HDAC9: variants seen among roughly 807,000 people sequenced by gnomAD.
HDAC9 encodes the protein MEF-2 interacting transcription repressor (MITR) protein.
In HDAC9, 41 loss-of-function variants were observed where a neutral mutation model predicts 139.4. The observed-to-expected ratio is 0.29, with a 90% CI of 0.23 to 0.38. The LOEUF is 0.38. HDAC9 is among the 10% of genes least tolerant of loss of function. The pLI is 1.00. For missense variants in HDAC9, 1,147 were observed against 1,297.0 expected, an observed-to-expected ratio of 0.88 and a Z score of 1.78; for synonymous variants, 517 against 476.2, an observed-to-expected ratio of 1.09 and a Z score of -1.12.
chr7:18,095,441 A>G (rs1243713198), intron 1 of HDAC9, among the ~76,000 whole-genome samples: 4 of 152,330 alleles, frequency 2.6e-5, no homozygotes, highest in Non-Finnish European at 5.9e-5. Flanking sequence ...TATTTAATAT[A>G]CAGGAGGATT....
chr7:18,088,184 A>C (rs1781915969), intron 1 of HDAC9: 2 of 152,224 alleles, frequency 1.3e-5, no homozygotes, highest in African/African-American at 4.8e-5. Flanking sequence ...ACATATATTC[A>C]TTATTTCATG....
Position 18,405,542 on chromosome 7 carries a change from A to T in HDAC9, c.-41-90720A>T, listed in dbSNP as rs534008362. Among the ~76,000 whole-genome samples, 13 of 152,300 alleles carry T rather than the reference A, an allele frequency of 8.5e-5. No homozygotes were observed. The South Asian group carries it at 2.7e-3, about 32-fold the overall frequency. Reference sequence around the variant, plus strand: ...GTTCCTTTCCTCCTGGTATTGAGCAACTTTTGTTCATCAAATCTGAAAAAC... The same window carrying T: ...GTTCCTTTCCTCCTGGTATTGAGCATCTTTTGTTCATCAAATCTGAAAAAC... On this transcript the variant is annotated intron_variant, in intron 1 of 3. Transcript: ENST00000413509.
intron 2 of HDAC9, among the ~76,000 whole-genome samples, chr7:18,498,710 C>G (rs1306880605): frequency 6.6e-6 from 1 of 152,072 alleles, no homozygotes; most frequent in African/African-American, 2.4e-5. Flanking sequence ...ATGAGCTCCA[C>G]TGCTAGCCGA....
intron 1 of HDAC9, among the ~76,000 whole-genome samples, chr7:18,484,332 TAA>T (rs879803900): frequency 1.4e-5 from 2 of 141,284 alleles, no homozygotes; most frequent in Admixed American, 7.1e-5. Flanking sequence ...AAGATCCTAT[TAA>T]AAAAAAAAAA....
intron 6 of HDAC9, among the ~76,000 whole-genome samples, chr7:18,618,999 A>T (rs1839479265): frequency 6.6e-6 from 1 of 152,086 alleles, no homozygotes; most frequent in African/African-American, 2.4e-5. Context: ...AAACATGTTT[A>T]TAATCTAGTT....
At chr7:18,785,999 TA>T (rs1484091741) in intron 16 of HDAC9, among the ~76,000 whole-genome samples, 1 of 152,108 alleles carries the variant, frequency 6.6e-6, no homozygotes, top group Non-Finnish European at 1.5e-5. Context: ...TATTTCTAAA[TA>T]AAAAGAAAAT....
Position 18,996,149 on chromosome 7 carries a change from T to G in HDAC9, c.*87T>G. The G allele has an allele frequency of 2.1e-6, 2 of 949,228 alleles. No homozygotes were observed. Among genetic ancestry groups the G allele is most frequent in the Non-Finnish European group, 3.3e-6 (2 of 609,538 alleles). 58.8% of individuals were successfully genotyped at this position (949,228 alleles called of 1,614,324 possible). Reference sequence around the variant, plus strand: ...GTACCCTCAGACATGTCTTGTCTGCTGCCTGGGTGGCACAGATTCAATGGA... The same window carrying G: ...GTACCCTCAGACATGTCTTGTCTGCGGCCTGGGTGGCACAGATTCAATGGA... On this transcript the variant is annotated 3_prime_UTR_variant, in exon 26 of 26. Coordinates refer to ENST00000686413, the MANE Select transcript of HDAC9 (RefSeq NM_178425.4).
intron 17 of HDAC9, among the ~76,000 whole-genome samples, chr7:18,825,137 T>C (rs559571124): frequency 1.4e-4 from 21 of 152,206 alleles, no homozygotes; most frequent in Non-Finnish European, 3.1e-4. Context: ...GTACATGGGC[T>C]AATATATATT....
intron 2 of HDAC9, among the ~76,000 whole-genome samples, chr7:18,533,939 T>A (rs1809931911): frequency 6.6e-6 from 1 of 152,214 alleles, no homozygotes; most frequent in East Asian, 1.9e-4. Flanking sequence ...AATTTTTTTT[T>A]AAGTTTTTCA....
intron 11 of HDAC9, among the ~76,000 whole-genome samples, chr7:18,651,850 C>T (rs1488845707): frequency 2.6e-5 from 4 of 152,012 alleles, no homozygotes; most frequent in Admixed American, 2.6e-4. Context: ...AGAAATATCC[C>T]TGGAATGGGC....
chr7:18,476,785 C>G (rs1321279129), intron 1 of HDAC9, among the ~76,000 whole-genome samples: 1 of 152,096 alleles, frequency 6.6e-6, no homozygotes, highest in Non-Finnish European at 1.5e-5. Context: ...ACACAGGTCC[C>G]AAATAGATTT....
chr7:18,365,751 A>G (rs972571872), intron 1 of HDAC9, among the ~76,000 whole-genome samples: 3 of 151,998 alleles, frequency 2.0e-5, no homozygotes, highest in Non-Finnish European at 4.4e-5. Flanking sequence ...CACATCTACT[A>G]CTTTTTAGCT....
intron 2 of HDAC9, among the ~76,000 whole-genome samples, chr7:18,172,399 A>G (rs1273154912): frequency 6.6e-6 from 1 of 152,086 alleles, no homozygotes; most frequent in East Asian, 1.9e-4. Context: ...TCAAAAAACC[A>G]GCTCCTGGAT....
intron 2 of HDAC9, among the ~76,000 whole-genome samples, chr7:18,241,051 G>A (rs552213286): frequency 2.0e-5 from 3 of 152,252 alleles, no homozygotes; most frequent in African/African-American, 7.2e-5. Flanking sequence ...GATACCCTTA[G>A]GGGATTAGGG....
At chr7:18,169,676 G>T (rs1404788067) in intron 2 of HDAC9, among the ~76,000 whole-genome samples, 1 of 151,826 alleles carries the variant, frequency 6.6e-6, no homozygotes, top group African/African-American at 2.4e-5. Context: ...TGTTCTTATT[G>T]TTCAGTTCCC....
rs184065170 is a variant in HDAC9, at chr7:18,237,154, T to C, written c.25+74805T>C. On this transcript the variant is annotated intron_variant, in intron 2 of 12. Transcript: ENST00000417496. ...CAACCCCAGCTTACACTGTTGTTGGTTGGGGAGCCAGGGCAACTGGCTACG... is the reference window on the plus strand; with the variant it reads ...CAACCCCAGCTTACACTGTTGTTGGCTGGGGAGCCAGGGCAACTGGCTACG... Among the ~76,000 whole-genome samples the C allele has an allele frequency of 5.6e-4, 86 of 152,286 alleles. No individual in the cohort carries two copies. In the East Asian group the frequency reaches 0.016, roughly 28 times the overall value.
At chr7:18,600,250 A>G (rs1833590921) in intron 6 of HDAC9, among the ~76,000 whole-genome samples, 1 of 152,022 alleles carries the variant, frequency 6.6e-6, no homozygotes, top group South Asian at 2.1e-4. Context: ...TCAGTGGTTT[A>G]TCTTTTAATT....
intron 25 of HDAC9, among the ~76,000 whole-genome samples, chr7:18,992,143 T>C (rs1786030753): frequency 6.6e-6 from 1 of 152,246 alleles, no homozygotes; most frequent in South Asian, 2.1e-4. Context: ...AATTTTGCTC[T>C]TGGGAATGTA....
intron 22 of HDAC9, among the ~76,000 whole-genome samples, chr7:18,912,421 G>A (rs1281193501): frequency 6.6e-6 from 1 of 152,000 alleles, no homozygotes; most frequent in Non-Finnish European, 1.5e-5. Context: ...TATTAAATTT[G>A]TTTTCTTTAT....
Sources: gnomAD v4.1 joint callset for allele counts (sites outside exome capture counted in the v4.1 genomes callset) on GRCh38, gnomAD v4.1.1 for gene constraint, MANE v1.5 for transcripts, NCBI Gene and HGNC (gene_info 2026-07-23, HGNC 2026-07-21) for gene names.